The following SDK1 variants were observed in gnomAD, a reference collection of about 807,000 sequenced individuals.
The protein encoded by SDK1 is sidekick cell adhesion molecule 1.
A neutral mutation model predicts 245.5 loss-of-function variants in SDK1; 157 were observed. The observed-to-expected ratio is 0.64, with a 90% CI of 0.56 to 0.73. SDK1 has a LOEUF of 0.73. Ranked by LOEUF, SDK1 falls within the 30% of genes least tolerant of loss-of-function variation. SDK1 has a pLI of 0.00. For synonymous variants in SDK1, 1,647 were observed against 1,278.5 expected (o/e 1.29, Z -6.15); for missense variants, 3,583 against 3,002.3 (o/e 1.19, Z -4.52).
chr7:3,823,659 T>A (rs1036275786), intron 5 of SDK1, among the ~76,000 whole-genome samples: 2 of 152,244 alleles, frequency 1.3e-5, no homozygotes, highest in Non-Finnish European at 2.9e-5. Flanking sequence ...TTAACTGGGT[T>A]GCATTTTGTT....
intron 30 of SDK1, among the ~76,000 whole-genome samples, chr7:4,157,631 T>C (rs1174251666): frequency 6.6e-6 from 1 of 152,030 alleles, no homozygotes; most frequent in Non-Finnish European, 1.5e-5. Context: ...GTCGACGGGC[T>C]GGGGGTATTT....
At chr7:3,758,001 C>G (rs1163958216) in intron 4 of SDK1, among the ~76,000 whole-genome samples, 1 of 152,128 alleles carries the variant, frequency 6.6e-6, no homozygotes, top group African/African-American at 2.4e-5. Context: ...TAGCTCTGTG[C>G]CAGGAACTGG....
chr7:3,379,649 C>G (rs974367167), intron 1 of SDK1, among the ~76,000 whole-genome samples: 3 of 152,078 alleles, frequency 2.0e-5, no homozygotes, highest in African/African-American at 7.2e-5. Flanking sequence ...TGGTTTTGAT[C>G]CAAGTAACCT....
chr7:4,092,012 G>C (rs577329044), intron 22 of SDK1, among the ~76,000 whole-genome samples: 1 of 152,040 alleles, frequency 6.6e-6, no homozygotes, highest in Non-Finnish European at 1.5e-5. Context: ...CAAAACCGTC[G>C]GGCGTGTAGA....
intron 1 of SDK1, among the ~76,000 whole-genome samples, chr7:3,436,705 A>G (rs531822145): frequency 3.9e-5 from 6 of 152,288 alleles, no homozygotes; most frequent in Admixed American, 3.9e-4. Context: ...ACTGAACCTT[A>G]AAAGAAGTAA....
chr7:3,733,868 C>T (rs1331107506), intron 4 of SDK1, among the ~76,000 whole-genome samples: 1 of 152,138 alleles, frequency 6.6e-6, no homozygotes, highest in Non-Finnish European at 1.5e-5. Context: ...AACAGAATCG[C>T]ACATAAGAAT....
chr7:4,027,529 G>C (rs751158505), intron 17 of SDK1, among the ~76,000 whole-genome samples: 1 of 152,156 alleles, frequency 6.6e-6, no homozygotes, highest in Non-Finnish European at 1.5e-5. Context: ...TGCTCTCCCA[G>C]CACCTCCTAA....
intron 4 of SDK1, among the ~76,000 whole-genome samples, chr7:3,670,551 G>C (rs754156289): frequency 2.0e-4 from 30 of 152,326 alleles, no homozygotes; most frequent in South Asian, 2.1e-4. Context: ...TAGGGGATTT[G>C]TGTGAATTAA....
chr7:4,193,774 G>C lies in SDK1; in HGVS notation c.5099-12105G>C, dbSNP rs146180375. 7.1e-3 allele frequency among the ~76,000 whole-genome samples: 1,074 copies of C among 152,228 alleles called. 12 individuals carry two copies. The highest frequency in any genetic ancestry group is 0.024 in the African/African-American group (1,004 of 41,534). On this transcript the variant is annotated intron_variant, in intron 35 of 44. Transcript: ENST00000404826. ...TTAGCAGACTTGAGACTCAGTATCT[G>C]CTTCTGAAGCTGGGAGACAGAATCC...
chr7:4,074,265 C>A (rs544202346), intron 20 of SDK1, among the ~76,000 whole-genome samples: 2 of 152,082 alleles, frequency 1.3e-5, no homozygotes, highest in African/African-American at 4.8e-5. Flanking sequence ...CAGGCATTTG[C>A]GATTGAAGCA....
intron 1 of SDK1, among the ~76,000 whole-genome samples, chr7:3,302,901 T>C (rs1281541642): frequency 1.3e-5 from 2 of 152,198 alleles, no homozygotes; most frequent in African/African-American, 4.8e-5. Context: ...TTAAATTAGC[T>C]GTGTTCTGTG....
chr7:4,068,385 G>C (rs769114244), intron 20 of SDK1, among the ~76,000 whole-genome samples: 1 of 152,150 alleles, frequency 6.6e-6, no homozygotes, highest in Non-Finnish European at 1.5e-5. Context: ...GGCACTGAGC[G>C]CTCCTGTGGG....
chr7:4,180,448 G>T (rs1782537349), intron 35 of SDK1, among the ~76,000 whole-genome samples: 1 of 149,160 alleles, frequency 6.7e-6, no homozygotes, highest in African/African-American at 2.5e-5. Context: ...TCTATGCCCA[G>T]CACCCGGCTC....
At chr7:3,823,529 A>T (rs1233176008) in intron 5 of SDK1, among the ~76,000 whole-genome samples, 2 of 152,244 alleles carry the variant, frequency 1.3e-5, no homozygotes, top group Non-Finnish European at 2.9e-5. Context: ...TGAATTTGCA[A>T]ACCGCTGTAC....
chr7:4,111,360 C>G (rs1339497591), intron 23 of SDK1, among the ~76,000 whole-genome samples: 1 of 152,130 alleles, frequency 6.6e-6, no homozygotes, highest in Non-Finnish European at 1.5e-5. Context: ...GATGGAATTT[C>G]CAGTTATCAC....
chr7:3,873,846 CTA>C (rs1781012842), intron 5 of SDK1, among the ~76,000 whole-genome samples: 1 of 152,016 alleles, frequency 6.6e-6, no homozygotes, highest in African/African-American at 2.4e-5. Context: ...CCGTCTGATC[CTA>C]TATGTTATTT....
At chr7:4,185,575 T>C (rs1196401761) in intron 35 of SDK1, among the ~76,000 whole-genome samples, 1 of 152,120 alleles carries the variant, frequency 6.6e-6, no homozygotes. Flanking sequence ...CAGTCCTCCC[T>C]CCCATGCAGC....
chr7:3,525,212 C>G (rs1052570801), intron 1 of SDK1, among the ~76,000 whole-genome samples: 3 of 151,800 alleles, frequency 2.0e-5, no homozygotes, highest in African/African-American at 4.8e-5. Flanking sequence ...GCCCTGGAAC[C>G]AATGCCCGTG....
chr7:3,863,088 C>T (rs978204652), intron 5 of SDK1, among the ~76,000 whole-genome samples: 1 of 152,150 alleles, frequency 6.6e-6, no homozygotes, highest in East Asian at 1.9e-4. Context: ...GGGACCCCTG[C>T]CTTAGAGGAT....
Sources: allele counts gnomAD v4.1 joint callset (sites outside exome capture counted in the v4.1 genomes callset), GRCh38; gene constraint gnomAD v4.1.1; transcripts MANE v1.5; gene names NCBI Gene and HGNC (gene_info 2026-07-23, HGNC 2026-07-21).